Variants in B3GAT2 observed in about 807,000 individuals in gnomAD.
The protein encoded by B3GAT2 is galactosylgalactosylxylosylprotein 3-beta-glucuronosyltransferase 2.
In B3GAT2, 26 loss-of-function variants were observed where a neutral mutation model predicts 27.8. The ratio of observed to expected loss-of-function variants is 0.93; its 90% confidence interval spans 0.68 to 1.30. The LOEUF (loss-of-function observed/expected upper bound fraction) is 1.30. Ranked by LOEUF, B3GAT2 falls within the 50% of genes most tolerant of loss-of-function variation. The pLI, the probability that B3GAT2 is intolerant of heterozygous loss-of-function variation, is 0.00. For synonymous variants in B3GAT2, 218 were observed against 195.1 expected, an observed-to-expected ratio of 1.12 and a Z score of -0.98; for missense variants, 458 against 459.0, an observed-to-expected ratio of 1.00 and a Z score of 0.02.
intron 1 of B3GAT2, among the ~76,000 whole-genome samples, chr6:70,922,105 T>C (rs2150042418): frequency 6.6e-6 from 1 of 152,230 alleles, no homozygotes; most frequent in East Asian, 1.9e-4. Context: ...GCAAGATGCA[T>C]ACATCTGTGG....
At chr6:70,919,247 A>G (rs1772827360) in intron 1 of B3GAT2, among the ~76,000 whole-genome samples, 2 of 152,164 alleles carry the variant, frequency 1.3e-5, no homozygotes, top group African/African-American at 4.8e-5. Context: ...AAGCTCTATC[A>G]TGTCATTTAT....
chr6:70,907,625 C>A (rs1408833343), intron 1 of B3GAT2, among the ~76,000 whole-genome samples: 1 of 152,210 alleles, frequency 6.6e-6, no homozygotes, highest in African/African-American at 2.4e-5. Flanking sequence ...CGGATTTATG[C>A]ACACTGGAGC....
At chr6:70,864,554 G>T (rs1263091588) in intron 2 of B3GAT2, among the ~76,000 whole-genome samples, 1 of 152,108 alleles carries the variant, frequency 6.6e-6, no homozygotes, top group East Asian at 1.9e-4. Flanking sequence ...AATACAAAGG[G>T]GTGGAGGAGC....
At chr6:70,862,128 GTA>G in intron 2 of B3GAT2, 150 bp from the exon 3 acceptor site, 1 of 676,192 alleles carries the variant, frequency 1.5e-6, no homozygotes, top group South Asian at 2.1e-5. Context: ...AACATTACCT[GTA>G]TTACAGTCTC....
chr6:70,876,481 G>A (rs1465853716), intron 2 of B3GAT2, among the ~76,000 whole-genome samples: 1 of 152,138 alleles, frequency 6.6e-6, no homozygotes, highest in Non-Finnish European at 1.5e-5. Flanking sequence ...AGTGACTCAG[G>A]AAGGTACTTT....
chr6:70,920,417 C>T (rs535571094), intron 1 of B3GAT2, among the ~76,000 whole-genome samples: 2 of 152,350 alleles, frequency 1.3e-5, no homozygotes, highest in African/African-American at 4.8e-5. Flanking sequence ...GCTTGCCCTC[C>T]ATGGGCTGCA....
At chr6:70,913,709 G>C (rs1772724181) in intron 1 of B3GAT2, among the ~76,000 whole-genome samples, 1 of 152,188 alleles carries the variant, frequency 6.6e-6, no homozygotes, top group South Asian at 2.1e-4. Flanking sequence ...GTAGATGTCT[G>C]TTGGGTCCAT....
intron 1 of B3GAT2, among the ~76,000 whole-genome samples, chr6:70,953,641 G>C (rs1765607652): frequency 6.6e-6 from 1 of 152,104 alleles, no homozygotes; most frequent in Non-Finnish European, 1.5e-5. Context: ...AATGACAACA[G>C]AAACAATAAA....
rs1343299861 is a variant in B3GAT2, at chr6:70,871,214, T to G, written c.737-9236A>C. Reference sequence around the variant, plus strand: ...AAGGGATATAGGTCTGTCTGTTTTTTTTTTTTTGTTTTTTTTTTTTCTTCG... The same window carrying G: ...AAGGGATATAGGTCTGTCTGTTTTTGTTTTTTTGTTTTTTTTTTTTCTTCG... On this transcript the variant is annotated intron_variant, in intron 2 of 3. Transcript: ENST00000230053. 1.2e-4 allele frequency among the ~76,000 whole-genome samples: 13 copies of G among 107,410 alleles called. No individual in the cohort carries two copies. In the South Asian group the frequency reaches 3.5e-3, roughly 29 times the overall value. 70.5% of individuals were successfully genotyped at this position (107,410 alleles called of 152,430 possible).
intron 2 of B3GAT2, among the ~76,000 whole-genome samples, chr6:70,865,743 T>G (rs1186826946): frequency 1.3e-5 from 2 of 152,140 alleles, no homozygotes; most frequent in Non-Finnish European, 2.9e-5. Flanking sequence ...CTGGACAAAA[T>G]TGCAATAGGG....
chr6:70,890,806 G>T (rs1772275630), intron 2 of B3GAT2, among the ~76,000 whole-genome samples: 1 of 152,220 alleles, frequency 6.6e-6, no homozygotes, highest in Non-Finnish European at 1.5e-5. Context: ...GCAGAATAAA[G>T]TACCTACTGT....
In B3GAT2 at chr6:70,956,712, C is replaced by T; in HGVS notation, c.-283G>A. 1 of 1,339,288 alleles carries T rather than the reference C, an allele frequency of 7.5e-7. No homozygotes were observed. Among genetic ancestry groups the T allele is most frequent in the Non-Finnish European group, 9.6e-7 (1 of 1,046,212 alleles). 83.0% of individuals were successfully genotyped at this position (1,339,288 alleles called of 1,614,324 possible). ...CGGGAAGCGGGACTCGGTCCAGCCG[C>T]GCGCCGCCGGTCCCGGAGTTGTGCC... is the stretch of plus-strand genomic sequence containing the variant. On this transcript the variant is annotated 5_prime_UTR_variant, in exon 1 of 4. Transcript: ENST00000230053.
In B3GAT2 at chr6:70,859,387, T is replaced by C. The variant is rs576516; in HGVS notation, c.*2276A>G. On this transcript the variant is annotated 3_prime_UTR_variant, in exon 4 of 4. Coordinates refer to ENST00000230053, the MANE Select transcript of B3GAT2 (RefSeq NM_080742.3). ...TCCATCAGTGCAATCTACTGGCCAA[T>C]GACAAGGTGGTTAAAATGTCCTTTA... is the stretch of plus-strand genomic sequence containing the variant. The C allele has an allele frequency of 0.47, 727,671 of 1,545,380 alleles. 173,321 individuals are homozygous for C. The highest frequency in any genetic ancestry group is 0.55 in the Admixed American group (27,684 of 50,434).
At chr6:70,899,231 C>T (rs1203598446) in intron 1 of B3GAT2, among the ~76,000 whole-genome samples, 1 of 152,102 alleles carries the variant, frequency 6.6e-6, no homozygotes, top group Admixed American at 6.5e-5. Flanking sequence ...AATATGGCCA[C>T]AGAAATTCAG....
chr6:70,858,245 T>C lies in B3GAT2; in HGVS notation c.*3418A>G. 1 of 1,577,444 alleles carries C rather than the reference T, an allele frequency of 6.3e-7. No homozygotes were observed. The highest frequency in any genetic ancestry group is 8.6e-7 in the Non-Finnish European group (1 of 1,159,788). On this transcript the variant is annotated 3_prime_UTR_variant, in exon 4 of 4. Transcript: ENST00000230053. ...CCTCTCACAGGTAGGGGTCATTTAC[T>C]TTCTAGCTTCTCCCAAATCAAACCA... is the stretch of plus-strand genomic sequence containing the variant.
rs1369775534 is a variant in B3GAT2, at chr6:70,956,266, C to T, written c.164G>A (p.Arg55His). The T allele has an allele frequency of 6.2e-7, 1 of 1,610,182 alleles. No homozygotes were observed. Among genetic ancestry groups the T allele is most frequent in the Non-Finnish European group, 8.5e-7 (1 of 1,178,094 alleles). Reference sequence around the variant, plus strand: ...GGTCCCGTGAGCCGGGCCGCCCCTGCGGAGCGGGAGTCGGGCGCCCCCGCG... The same window carrying T: ...GGTCCCGTGAGCCGGGCCGCCCCTGTGGAGCGGGAGTCGGGCGCCCCCGCG... ...VGRGGARLPL[R>H]RGGPAHGTQK... is the part of the protein sequence containing the mutation. Residue 55 changes from arginine to histidine, a missense_variant, in exon 1 of 4, where the codon CGC becomes CAC. Coordinates refer to ENST00000230053, the MANE Select transcript of B3GAT2 (RefSeq NM_080742.3).
chr6:70,879,820 G>A (rs1772071299), intron 2 of B3GAT2, among the ~76,000 whole-genome samples: 1 of 152,068 alleles, frequency 6.6e-6, no homozygotes, highest in Non-Finnish European at 1.5e-5. Flanking sequence ...ACGTGATGGC[G>A]GGATTGTGAG....
At position 70,857,749 on chromosome 6, in the gene B3GAT2, A is replaced by G. The variant is rs1009035648; in HGVS notation, c.*3914T>C. On this transcript the variant is annotated 3_prime_UTR_variant, in exon 4 of 4. Transcript: ENST00000230053. ...TAACTGATTTGTCTGCATCCTAGAA[A>G]CAACCAGCTCTCAGGGTTTAGGTGT... is the stretch of plus-strand genomic sequence containing the variant. 2.4e-5 allele frequency: 15 copies of G among 622,102 alleles called. 1 individual carries two copies. Among genetic ancestry groups the G allele is most frequent in the South Asian group, 2.0e-4 (10 of 49,084 alleles). The allele number at this position is 622,102 out of a possible 1,614,324, so 38.5% of individuals were successfully genotyped here. A position where few individuals can be genotyped will look rare whatever the true frequency, so the allele number is the denominator to read the frequency against.
intron 2 of B3GAT2, among the ~76,000 whole-genome samples, chr6:70,872,827 C>T (rs1007092930): frequency 4.0e-5 from 6 of 151,760 alleles, no homozygotes; most frequent in East Asian, 1.9e-4. Flanking sequence ...TTTTAATTCT[C>T]TTGTCATTTA....
Sources: allele counts gnomAD v4.1 joint callset (sites outside exome capture counted in the v4.1 genomes callset), GRCh38; gene constraint gnomAD v4.1.1; transcripts MANE v1.5; gene names NCBI Gene and HGNC (gene_info 2026-07-23, HGNC 2026-07-21).